RBL1: variants seen among roughly 807,000 people sequenced by gnomAD.
RBL1 encodes RB transcriptional corepressor like 1, also known as retinoblastoma-like protein 1.
A neutral mutation model predicts 123.0 loss-of-function variants in RBL1; 82 were observed. The ratio of observed to expected loss-of-function variants is 0.67; its 90% CI spans 0.56 to 0.80. The LOEUF (loss-of-function observed/expected upper bound fraction) is 0.80, where lower values mean the gene tolerates loss of function less well. RBL1 is among the 30% of genes least tolerant of loss of function. The pLI, the probability that RBL1 is intolerant of heterozygous loss-of-function variation, is 0.00. For synonymous variants in RBL1, 405 were observed against 441.3 expected, an observed-to-expected ratio of 0.92 and a Z score of 1.03; for missense variants, 1,171 against 1,299.6, an observed-to-expected ratio of 0.90 and a Z score of 1.52.
At chr20:37,053,389 T>C (rs1399745017) in intron 11 of RBL1, among the ~76,000 whole-genome samples, 1 of 152,176 alleles carries the variant, frequency 6.6e-6, no homozygotes, top group Non-Finnish European at 1.5e-5. Context: ...TCCAAAGATA[T>C]GTACATTAGC....
chr20:37,015,063 C>CAAAAAAA (rs1185151735), intron 19 of RBL1, among the ~76,000 whole-genome samples: 13 of 70,290 alleles, frequency 1.8e-4, no homozygotes, highest in Non-Finnish European at 2.7e-4. Context: ...GACTGTATCT[C>CAAAAAAA]AAAAAAAAAA....
intron 13 of RBL1, among the ~76,000 whole-genome samples, chr20:37,040,794 T>C (rs1030635011): frequency 7.9e-5 from 12 of 152,220 alleles, no homozygotes; most frequent in Non-Finnish European, 1.2e-4. Flanking sequence ...ATAATTTATA[T>C]AGGTAAGTTA....
chr20:37,016,031 T>G (rs1172055206), intron 19 of RBL1, among the ~76,000 whole-genome samples: 1 of 146,302 alleles, frequency 6.8e-6, no homozygotes, highest in African/African-American at 2.5e-5. Flanking sequence ...GTTTTTTTTT[T>G]TTTTTTTTTT....
intron 9 of RBL1, among the ~76,000 whole-genome samples, chr20:37,058,187 C>T (rs972974874): frequency 4.7e-5 from 7 of 148,820 alleles, no homozygotes; most frequent in Non-Finnish European, 1.0e-4. Flanking sequence ...TAGTCAGGGA[C>T]GTCTAGTTAT....
In RBL1 at chr20:37,055,656, T is replaced by C. The variant is rs750841077; in HGVS notation, c.1364A>G (p.Asp455Gly). 2 of 1,603,674 alleles carry C rather than the reference T, an allele frequency of 1.2e-6. No individual in the cohort carries two copies. The highest frequency in any genetic ancestry group is 2.2e-5 in the South Asian group (2 of 89,504). The stretch of plus-strand genomic sequence containing the variant: ...CAGCTTTAGTCTGTTTACAGCAAAG[T>C]CTATCAGGGAAATACAGAGAAAACA... ...STDEQPGSHI[D>G]FAVNRLKLAE... The change falls in exon 11 of 22, where the codon GAC becomes GGC. Residue 455 changes from aspartate (D) to glycine (G), a missense_variant and splice_region_variant. Coordinates refer to ENST00000373664, the MANE Select transcript of RBL1 (RefSeq NM_002895.5).
At chr20:37,011,583 T>C (rs2246044) in intron 19 of RBL1, among the ~76,000 whole-genome samples, 150,015 of 151,974 alleles carry the variant, frequency 0.99, 74,067 homozygotes, top group Non-Finnish European at 1. Flanking sequence ...TACAAGTGCT[T>C]ACCACCATGC....
chr20:37,049,321 CAG>C lies in RBL1; in HGVS notation c.1468-2133_1468-2132del, dbSNP rs1005540517. ...CTCAAGGTTGAACCCTCGGATACGA[CAG>C]AAAATGTAAAGACCAAGATCCAGGA... On this transcript the variant is annotated intron_variant, in intron 11 of 21. Coordinates refer to ENST00000373664, the MANE Select transcript of RBL1 (RefSeq NM_002895.5). The C allele has an allele frequency of 1.1e-5, 7 of 654,474 alleles. No homozygotes were observed. In the African/African-American group the frequency reaches 1.3e-4, roughly 12 times the overall value. The allele number at this position is 654,474 out of a possible 1,614,324, so 40.5% of individuals were successfully genotyped here. A position where few individuals can be genotyped will look rare whatever the true frequency, so the allele number is the denominator to read the frequency against.
At chr20:37,026,436 T>A (rs1175455379) in intron 16 of RBL1, among the ~76,000 whole-genome samples, 1 of 152,152 alleles carries the variant, frequency 6.6e-6, no homozygotes, top group Admixed American at 6.6e-5. Context: ...CCGGGCGCAG[T>A]GGCTCATGCC....
intron 20 of RBL1, among the ~76,000 whole-genome samples, chr20:37,006,014 G>A (rs1012104607): frequency 1.4e-5 from 2 of 146,812 alleles, no homozygotes; most frequent in Non-Finnish European, 3.0e-5. Flanking sequence ...ACCTACCTTA[G>A]CTTGCTGAGT....
At chr20:37,056,004 G>GC (rs2064997744) in intron 10 of RBL1, 142 bp downstream of exon 10, 5 of 1,347,838 alleles carry the variant, frequency 3.7e-6, no homozygotes, top group Non-Finnish European at 4.9e-6. Flanking sequence ...TCGAGATCAT[G>GC]CCATTGCACT....
intron 12 of RBL1, 119 bp from the exon 13 acceptor site, chr20:37,044,369 C>T: frequency 1.0e-6 from 1 of 974,906 alleles, no homozygotes; most frequent in Non-Finnish European, 1.5e-6. Flanking sequence ...ACGGAGTTTC[C>T]CTCTGTTGCC....
At chr20:37,046,276 T>G (rs1360668565) in intron 12 of RBL1, among the ~76,000 whole-genome samples, 1 of 152,218 alleles carries the variant, frequency 6.6e-6, no homozygotes, top group Non-Finnish European at 1.5e-5. Flanking sequence ...ATTATAATTT[T>G]CATTCATAAA....
chr20:37,018,475 C>A, intron 18 of RBL1, 106 bp from the exon 19 acceptor site: 1 of 1,420,218 alleles, frequency 7.0e-7, no homozygotes, highest in South Asian at 1.6e-5. Flanking sequence ...AACTATTTGT[C>A]TGTATAAGTG....
intron 15 of RBL1, 75 bp from the exon 16 acceptor site, chr20:37,032,951 T>C (rs1295069423): frequency 9.0e-6 from 14 of 1,554,130 alleles, no homozygotes; most frequent in Admixed American, 1.9e-5. Context: ...ATTTTGACAA[T>C]TATATATACA....
At chr20:37,001,942 A>AAAAAAAAAAT (rs1491299831) in intron 21 of RBL1, among the ~76,000 whole-genome samples, 1 of 135,510 alleles carries the variant, frequency 7.4e-6, no homozygotes, top group Non-Finnish European at 1.6e-5. Flanking sequence ...AAAAAAAAAA[A>AAAAAAAAAAT]CAAACCAAAC....
intron 21 of RBL1, among the ~76,000 whole-genome samples, chr20:37,001,918 TAAAAAAAA>T (rs757774894): frequency 3.5e-5 from 3 of 86,544 alleles, no homozygotes; most frequent in Non-Finnish European, 6.6e-5. Context: ...TGCAGAACAA[TAAAAAAAA>T]AAAAAAAAAA....
intron 18 of RBL1, among the ~76,000 whole-genome samples, chr20:37,019,466 T>C (rs1397018070): frequency 6.6e-6 from 1 of 152,222 alleles, no homozygotes; most frequent in Non-Finnish European, 1.5e-5. Context: ...AAGGACAATC[T>C]AGAGCTTTCT....
chr20:37,064,301 C>G (rs964306673), intron 7 of RBL1, among the ~76,000 whole-genome samples: 1 of 151,646 alleles, frequency 6.6e-6, no homozygotes, highest in African/African-American at 2.4e-5. Flanking sequence ...CCACACCGAG[C>G]TAATTTTTGT....
At chr20:37,033,947 CT>C (rs201186362) in intron 15 of RBL1, among the ~76,000 whole-genome samples, 107 of 139,396 alleles carry the variant, frequency 7.7e-4, no homozygotes, top group Middle Eastern at 3.7e-3. Flanking sequence ...TTTTCTTTTT[CT>C]TTTTTTTTTT....
Sources: allele counts gnomAD v4.1 joint callset (sites outside exome capture counted in the v4.1 genomes callset), GRCh38; gene constraint gnomAD v4.1.1; transcripts MANE v1.5; gene names NCBI Gene and HGNC (gene_info 2026-07-23, HGNC 2026-07-21).